Variants in TBL1XR1 observed in about 807,000 individuals in gnomAD.
TBL1XR1 encodes F-box-like/WD repeat-containing protein TBL1XR1.
A neutral mutation model predicts 66.9 loss-of-function variants in TBL1XR1; 5 were observed. The ratio of observed to expected loss-of-function variants is 0.07; its 90% CI spans 0.04 to 0.16. The LOEUF (loss-of-function observed/expected upper bound fraction) is 0.16, where lower values mean the gene tolerates loss of function less well. Among genes scored for constraint, TBL1XR1 ranks in the 10% least tolerant of loss-of-function variants. TBL1XR1 has a pLI of 1.00. For synonymous variants in TBL1XR1, 210 were observed against 206.0 expected (o/e 1.02, Z -0.17); for missense variants, 238 against 623.2 (o/e 0.38, Z 6.58).
At chr3:177,150,379 C>A (rs985837409) in intron 1 of TBL1XR1, among the ~76,000 whole-genome samples, 3 of 152,140 alleles carry the variant, frequency 2.0e-5, no homozygotes, top group African/African-American at 4.8e-5. Context: ...ATAAGCCAGA[C>A]AACAGGAATG....
At chr3:177,167,705 CGGATCACCTAA>C (rs915539942) in intron 1 of TBL1XR1, among the ~76,000 whole-genome samples, 16 of 152,260 alleles carry the variant, frequency 1.1e-4, no homozygotes, top group African/African-American at 3.9e-4. Flanking sequence ...CCAAGGCAGG[CGGATCACCTAA>C]GGTTGGGAGT....
chr3:177,064,099 G>A (rs1470364981), intron 3 of TBL1XR1, among the ~76,000 whole-genome samples: 2 of 152,070 alleles, frequency 1.3e-5, no homozygotes, highest in South Asian at 4.1e-4. Flanking sequence ...CCTCACACTT[G>A]ACTACCAAAA....
intron 1 of TBL1XR1, among the ~76,000 whole-genome samples, chr3:177,182,805 G>A (rs1463861805): frequency 6.6e-6 from 1 of 152,158 alleles, no homozygotes; most frequent in African/African-American, 2.4e-5. Flanking sequence ...GTAACTTCAT[G>A]CAGGCAACAT....
intron 3 of TBL1XR1, among the ~76,000 whole-genome samples, chr3:177,059,825 C>G (rs1187139477): frequency 2.0e-5 from 3 of 152,182 alleles, no homozygotes; most frequent in East Asian, 3.9e-4. Context: ...GATCCACCCT[C>G]AATCTGGGTG....
At chr3:177,183,742 G>A (rs1266785410) in intron 1 of TBL1XR1, among the ~76,000 whole-genome samples, 1 of 151,908 alleles carries the variant, frequency 6.6e-6, no homozygotes, top group Non-Finnish European at 1.5e-5. Context: ...TGGGATTACA[G>A]GCATGAGCCA....
In TBL1XR1 at chr3:177,192,285, G is replaced by A. The variant is rs998260268; in HGVS notation, c.-122+4836C>T. Among the ~76,000 whole-genome samples the A allele has an allele frequency of 3.3e-5, 5 of 151,790 alleles. No individual in the cohort carries two copies. In the East Asian group the frequency reaches 7.7e-4, roughly 24 times the overall value. On this transcript the variant is annotated intron_variant, in intron 1 of 15. Coordinates refer to ENST00000457928, the MANE Select transcript of TBL1XR1 (RefSeq NM_024665.7). ...CCTATAATCCCAGCTAGGAGGCTGAGGCAGGAGAATCGCTTGAACCCAGGA... is the reference window on the plus strand; with the variant it reads ...CCTATAATCCCAGCTAGGAGGCTGAAGCAGGAGAATCGCTTGAACCCAGGA...
At position 177,051,742 on chromosome 3, in the gene TBL1XR1, T is replaced by A; in HGVS notation, c.205-16A>T. 6.6e-7 allele frequency: 1 copy of A among 1,519,522 alleles called. No individual in the cohort carries two copies. The highest frequency in any genetic ancestry group is 8.9e-7 in the Non-Finnish European group (1 of 1,128,548). The allele number at this position is 1,519,522 out of a possible 1,614,324, so 94.1% of individuals were successfully genotyped here. A position where few individuals can be genotyped will look rare whatever the true frequency, so the allele number is the denominator to read the frequency against. ...AGGTACCATCCTGGATTTGGAAAATTGTGAGAGAAGAAAAATCAAAGGCAA... is the reference window on the plus strand; with the variant it reads ...AGGTACCATCCTGGATTTGGAAAATAGTGAGAGAAGAAAAATCAAAGGCAA... On this transcript the variant is annotated splice_polypyrimidine_tract_variant and intron_variant, in intron 4 of 15. Transcript: ENST00000457928.
intron 1 of TBL1XR1, among the ~76,000 whole-genome samples, chr3:177,148,181 T>C (rs1730473819): frequency 1.3e-5 from 2 of 152,216 alleles, no homozygotes; most frequent in Admixed American, 6.5e-5. Flanking sequence ...TTTTTATAAA[T>C]TGTAGATTTT....
chr3:177,088,068 T>C (rs895635589), intron 2 of TBL1XR1, among the ~76,000 whole-genome samples: 3 of 152,202 alleles, frequency 2.0e-5, no homozygotes, highest in African/African-American at 7.2e-5. Flanking sequence ...TAGTATTTTA[T>C]TCCTGAATAG....
intron 2 of TBL1XR1, among the ~76,000 whole-genome samples, chr3:177,075,432 C>T (rs532498221): frequency 2.9e-4 from 44 of 152,344 alleles, no homozygotes; most frequent in African/African-American, 9.1e-4. Flanking sequence ...AAGTCACATT[C>T]ACAGGTACTG....
At chr3:177,167,966 T>A (rs149952709) in intron 1 of TBL1XR1, among the ~76,000 whole-genome samples, 33 of 152,240 alleles carry the variant, frequency 2.2e-4, no homozygotes, top group Non-Finnish European at 4.0e-4. Flanking sequence ...TAAAAAAGTG[T>A]TGTTATAGGA....
intron 1 of TBL1XR1, among the ~76,000 whole-genome samples, chr3:177,172,471 T>C (rs1733645041): frequency 6.6e-6 from 1 of 150,606 alleles, no homozygotes; most frequent in East Asian, 2.0e-4. Flanking sequence ...AAAACCACAG[T>C]CATCGGCCAG....
At chr3:177,114,335 G>A (rs952795024) in intron 1 of TBL1XR1, among the ~76,000 whole-genome samples, 1 of 151,550 alleles carries the variant, frequency 6.6e-6, no homozygotes, top group African/African-American at 2.4e-5. Flanking sequence ...ATAGGGTCTT[G>A]CTTTGTTGCC....
upstream of TBL1XR1, among the ~76,000 whole-genome samples, chr3:177,198,140 A>G (rs1737168242): frequency 6.6e-6 from 1 of 152,186 alleles, no homozygotes; most frequent in African/African-American, 2.4e-5. Context: ...GGTTCTCCGA[A>G]GCGTACCTGG....
chr3:177,028,060 C>T (rs554290756), intron 14 of TBL1XR1, among the ~76,000 whole-genome samples: 5 of 152,246 alleles, frequency 3.3e-5, no homozygotes, highest in Admixed American at 6.5e-5. Context: ...CGAACCAAAA[C>T]ATTATGGGCA....
chr3:177,053,650 C>T, intron 4 of TBL1XR1, 123 bp downstream of exon 4: 1 of 923,328 alleles, frequency 1.1e-6, no homozygotes, highest in Non-Finnish European at 1.6e-6. Flanking sequence ...TAGGGATGAA[C>T]TGCCTGCACT....
intron 9 of TBL1XR1, among the ~76,000 whole-genome samples, chr3:177,046,738 G>C (rs1716375524): frequency 6.6e-6 from 1 of 151,628 alleles, no homozygotes; most frequent in Non-Finnish European, 1.5e-5. Flanking sequence ...ATTGCTCTCT[G>C]AATTTTATAA....
At chr3:177,142,274 C>T (rs1281789525) in intron 1 of TBL1XR1, among the ~76,000 whole-genome samples, 1 of 152,168 alleles carries the variant, frequency 6.6e-6, no homozygotes, top group Admixed American at 6.6e-5. Flanking sequence ...GCAGGGCTCC[C>T]CCATTAGCAG....
intron 1 of TBL1XR1, among the ~76,000 whole-genome samples, chr3:177,170,722 T>C (rs1733361049): frequency 6.6e-6 from 1 of 152,128 alleles, no homozygotes; most frequent in South Asian, 2.1e-4. Flanking sequence ...TTCCTGCCTC[T>C]GCCCACCAAG....
Sources: gnomAD v4.1 joint callset for allele counts (sites outside exome capture counted in the v4.1 genomes callset) on GRCh38, gnomAD v4.1.1 for gene constraint, MANE v1.5 for transcripts, NCBI Gene and HGNC (gene_info 2026-07-23, HGNC 2026-07-21) for gene names.